Variants in CDH23 observed in about 807,000 individuals in gnomAD.
CDH23 encodes the protein cadherin related 23.
Under a neutral mutation model 317.1 loss-of-function variants are expected in CDH23, and 189 were observed. The observed-to-expected ratio is 0.60, with a 90% confidence interval of 0.53 to 0.67. CDH23 has a LOEUF of 0.67. CDH23 is among the 30% of genes least tolerant of loss of function. CDH23 has a pLI of 0.00. For missense variants in CDH23, 4,401 were observed against 4,592.4 expected, an observed-to-expected ratio of 0.96 and a Z score of 1.20; for synonymous variants, 1,839 against 1,876.8, an observed-to-expected ratio of 0.98 and a Z score of 0.52.
At chr10:71,598,838 T>C (rs1438110067) in intron 9 of CDH23, among the ~76,000 whole-genome samples, 1 of 152,236 alleles carries the variant, frequency 6.6e-6, no homozygotes, top group African/African-American at 2.4e-5. Context: ...TCTTGGGACA[T>C]CCCTCCCTAT....
intron 9 of CDH23, among the ~76,000 whole-genome samples, chr10:71,602,242 C>T (rs1032577272): frequency 5.3e-5 from 8 of 152,096 alleles, no homozygotes; most frequent in African/African-American, 1.2e-4. Flanking sequence ...CAGGGGCAGC[C>T]GTGGCACTGT....
chr10:71,710,291 A>G (rs1156786000), intron 27 of CDH23, among the ~76,000 whole-genome samples: 1 of 152,208 alleles, frequency 6.6e-6, no homozygotes, highest in Non-Finnish European at 1.5e-5. Context: ...GATCAGCTCT[A>G]GATAGATCCA....
intron 1 of CDH23, among the ~76,000 whole-genome samples, chr10:71,432,844 C>T (rs1034745442): frequency 4.6e-5 from 7 of 152,150 alleles, no homozygotes; most frequent in African/African-American, 1.7e-4. Context: ...CTCCATGTCC[C>T]TAGAAACGTC....
At chr10:71,467,230 A>T (rs1851298357) in intron 3 of CDH23, among the ~76,000 whole-genome samples, 1 of 152,182 alleles carries the variant, frequency 6.6e-6, no homozygotes, top group Non-Finnish European at 1.5e-5. Flanking sequence ...CAGTGTATTA[A>T]CTGTACAGAC....
At chr10:71,715,920 G>C (rs1324465074) in intron 28 of CDH23, 2 of 1,449,686 alleles carry the variant, frequency 1.4e-6, no homozygotes, top group African/African-American at 1.4e-5. Context: ...GTGGGGGCAT[G>C]TTTGTGGACA....
At position 71,575,439 on chromosome 10, in the gene CDH23, A is replaced by T. The variant is rs568555637; in HGVS notation, c.754-2475A>T. On this transcript the variant is annotated intron_variant, in intron 8 of 69. Transcript: ENST00000224721. ...GGGGAAAACAAGGCAGAAAGAGGTT[A>T]TAAGTAACTTACTCAAAGGATTCGA... Among the ~76,000 whole-genome samples the T allele has an allele frequency of 4.6e-5, 7 of 152,340 alleles. No homozygotes were observed. The East Asian group carries it at 1.3e-3, about 29-fold the overall frequency.
At chr10:71,755,166 C>T in intron 38 of CDH23, 1 of 672,144 alleles carries the variant, frequency 1.5e-6, no homozygotes, top group Non-Finnish European at 2.7e-6. Flanking sequence ...GGGCACTTGG[C>T]CCCCGGAAAT....
chr10:71,732,767 C>T (rs1267890308), intron 32 of CDH23: 3 of 1,035,800 alleles, frequency 2.9e-6, no homozygotes, highest in East Asian at 1.3e-4. Flanking sequence ...TCACACCCAT[C>T]ACAGATCCTT....
chr10:71,498,161 T>C (rs1021033469), intron 3 of CDH23, among the ~76,000 whole-genome samples: 46 of 152,178 alleles, frequency 3.0e-4, no homozygotes, highest in Admixed American at 2.8e-3. Flanking sequence ...GATTTGCCCA[T>C]GGTCACACAG....
At chr10:71,699,781 CGCCCAGCAGGGA>C (rs1865518021) in intron 22 of CDH23, among the ~76,000 whole-genome samples, 1 of 152,168 alleles carries the variant, frequency 6.6e-6, no homozygotes, top group Admixed American at 6.5e-5. Flanking sequence ...TCTACAAAAT[CGCCCAGCAGGGA>C]GCCTGCAGGA....
intron 1 of CDH23, among the ~76,000 whole-genome samples, chr10:71,437,456 A>G (rs1395060038): frequency 6.6e-6 from 1 of 152,238 alleles, no homozygotes; most frequent in East Asian, 1.9e-4. Context: ...GAAAGAGGTA[A>G]TTCTAAGCAA....
intron 14 of CDH23, among the ~76,000 whole-genome samples, chr10:71,658,452 T>C (rs562392383): frequency 2.6e-5 from 4 of 152,344 alleles, no homozygotes; most frequent in African/African-American, 7.2e-5. Flanking sequence ...TTTTGGCAAA[T>C]TGATTTAAGG....
chr10:71,641,888 G>A (rs756409032), intron 11 of CDH23, among the ~76,000 whole-genome samples: 1 of 152,054 alleles, frequency 6.6e-6, no homozygotes, highest in Non-Finnish European at 1.5e-5. Context: ...AGACCAGCCT[G>A]GCCAACAGGC....
chr10:71,472,727 TG>T (rs1364395832), intron 3 of CDH23, among the ~76,000 whole-genome samples: 1 of 152,116 alleles, frequency 6.6e-6, no homozygotes, highest in Non-Finnish European at 1.5e-5. Flanking sequence ...CAGCAAGTGG[TG>T]GGAGGGCAGG....
At chr10:71,694,393 CCCA>C in intron 21 of CDH23, 134 bp downstream of exon 21, 1 of 688,434 alleles carries the variant, frequency 1.5e-6, no homozygotes, top group Non-Finnish European at 2.5e-6. Flanking sequence ...CGAAAATGAA[CCCA>C]TCAGCAGCAG....
intron 1 of CDH23, among the ~76,000 whole-genome samples, chr10:71,418,524 C>T (rs1386822853): frequency 6.6e-6 from 1 of 152,190 alleles, no homozygotes; most frequent in South Asian, 2.1e-4. Context: ...CCAACTCAAT[C>T]TTGATCTCCC....
At chr10:71,713,382 G>A (rs1866070581) in intron 28 of CDH23, 1 of 718,454 alleles carries the variant, frequency 1.4e-6, no homozygotes, top group Middle Eastern at 2.6e-4. Context: ...GGGGAGGGAG[G>A]CCCGGAGTGA....
chr10:71,583,963 G>GCAGCAT (rs56328450), intron 9 of CDH23, among the ~76,000 whole-genome samples: 27,356 of 151,838 alleles, frequency 0.18, 2,748 homozygotes, highest in African/African-American at 0.26. Context: ...CCCCAGAGCA[G>GCAGCAT]CAGCATCAGC....
Position 71,566,810 on chromosome 10 carries a change from C to T in CDH23, c.498C>T (p.Ser166=), listed in dbSNP as rs765185595. 1.1e-5 allele frequency: 17 copies of T among 1,613,718 alleles called. No individual in the cohort carries two copies. The East Asian group carries it at 2.0e-4, about 19-fold the overall frequency. The change falls in exon 7 of 70, where the codon AGC becomes AGT. Residue 166 remains serine (S), a synonymous_variant. Coordinates refer to ENST00000224721, the MANE Select transcript of CDH23 (RefSeq NM_022124.6). ...ACCCCGACTTGGGGGCAGGGGGCAG[C>T]GTCCTCTACTCCTTCCAGCCCCCCT... The part of the protein sequence containing the change: ...ATDPDLGAGG[S]VLYSFQPPSQ...
Sources: allele counts gnomAD v4.1 joint callset (sites outside exome capture counted in the v4.1 genomes callset), GRCh38; gene constraint gnomAD v4.1.1; transcripts MANE v1.5; gene names NCBI Gene and HGNC (gene_info 2026-07-23, HGNC 2026-07-21).